Variants in COL4A1 observed in about 807,000 individuals in gnomAD.
COL4A1 encodes the protein collagen alpha-1(IV) chain.
Under a neutral mutation model 216.6 loss-of-function variants are expected in COL4A1, and 40 were observed. The observed-to-expected ratio is 0.18, with a 90% CI of 0.14 to 0.24. The LOEUF (loss-of-function observed/expected upper bound fraction) is 0.24. Among genes scored for constraint, COL4A1 ranks in the 10% least tolerant of loss-of-function variants. The probability of loss-of-function intolerance (pLI) is 1.00; values close to 1 mark genes in which losing one functional copy is unlikely to be tolerated. For synonymous variants in COL4A1, 839 were observed against 810.7 expected (o/e 1.03, Z -0.59); for missense variants, 1,628 against 2,196.8 (o/e 0.74, Z 5.18).
chr13:110,243,436 G>A (rs145170616), intron 1 of COL4A1, among the ~76,000 whole-genome samples: 1 of 152,074 alleles, frequency 6.6e-6, no homozygotes, highest in East Asian at 1.9e-4. Context: ...TCCTTCCTCA[G>A]CATCCCAAGT....
intron 1 of COL4A1, among the ~76,000 whole-genome samples, chr13:110,247,275 G>C (rs1436999918): frequency 6.6e-6 from 1 of 152,170 alleles, no homozygotes; most frequent in Non-Finnish European, 1.5e-5. Flanking sequence ...ATAGTCCCCA[G>C]TGGACTCTGT....
intron 49 of COL4A1, among the ~76,000 whole-genome samples, chr13:110,158,806 G>A (rs1219174714): frequency 6.9e-6 from 1 of 144,096 alleles, no homozygotes; most frequent in Non-Finnish European, 1.5e-5. Flanking sequence ...GCAATGGTGC[G>A]ATCCTGGCTC....
At chr13:110,173,201 G>C (rs1016658444) in intron 40 of COL4A1, among the ~76,000 whole-genome samples, 40 of 152,152 alleles carry the variant, frequency 2.6e-4, no homozygotes, top group African/African-American at 9.2e-4. Context: ...TTCAAATCGG[G>C]GGAAAGGAGT....
chr13:110,237,946 T>C (rs1881396753), intron 2 of COL4A1, among the ~76,000 whole-genome samples: 1 of 152,174 alleles, frequency 6.6e-6, no homozygotes, highest in African/African-American at 2.4e-5. Context: ...AGCAATGAAA[T>C]CACTTCCAGA....
At position 110,211,628 on chromosome 13, in the gene COL4A1, A is replaced by G; in HGVS notation, c.468+19T>C. Reference sequence around the variant, plus strand: ...TTCCCTGTAATGAATCCAATAAAGCAAAATAAAATAAAATGTACCTTCATC... The same window carrying G: ...TTCCCTGTAATGAATCCAATAAAGCGAAATAAAATAAAATGTACCTTCATC... On this transcript the variant is annotated intron_variant, in intron 8 of 51. Coordinates refer to ENST00000375820, the MANE Select transcript of COL4A1 (RefSeq NM_001845.6). The surrounding 1 kb of genome is among the most constrained non-coding windows in gnomAD (Gnocchi z 4.3). 1 of 1,535,088 alleles carries G rather than the reference A, an allele frequency of 6.5e-7. No homozygotes were observed. The highest frequency in any genetic ancestry group is 8.7e-7 in the Non-Finnish European group (1 of 1,144,690).
chr13:110,201,344 A>AGAAGGAGGGGGAGGAG, intron 19 of COL4A1, 94 bp downstream of exon 19: 1 of 595,478 alleles, frequency 1.7e-6, no homozygotes, highest in East Asian at 4.8e-5. Flanking sequence ...GAGGAGGAAC[A>AGAAGGAGGGGGAGGAG]GGAGGAGGAG....
chr13:110,272,559 A>G (rs79974136), intron 1 of COL4A1, among the ~76,000 whole-genome samples: 1,822 of 150,014 alleles, frequency 0.012, 34 homozygotes, highest in African/African-American at 0.041. Context: ...ATCCTCCATC[A>G]TAAGTCCCCT....
chr13:110,286,921 C>T (rs901552735), intron 1 of COL4A1, among the ~76,000 whole-genome samples: 1 of 152,236 alleles, frequency 6.6e-6, no homozygotes, highest in Non-Finnish European at 1.5e-5. Flanking sequence ...TTCCACTTTG[C>T]ATTCTGCTAC....
chr13:110,300,397 C>T (rs1227640739), intron 1 of COL4A1, among the ~76,000 whole-genome samples: 2 of 152,208 alleles, frequency 1.3e-5, no homozygotes, highest in East Asian at 1.9e-4. Flanking sequence ...AAATAGCTTT[C>T]AAAACATTGA....
intron 1 of COL4A1, among the ~76,000 whole-genome samples, chr13:110,260,910 A>G (rs913897958): frequency 5.9e-5 from 9 of 151,918 alleles, no homozygotes; most frequent in Admixed American, 3.9e-4. Flanking sequence ...GGTGGAGGGC[A>G]CCTGTAGTCC....
chr13:110,211,570 G>C lies in COL4A1; in HGVS notation c.468+77C>G, dbSNP rs1594585538. ...TCGATCAGCCAAAGTGGTTTAAAGAGAATGTGCTTCTATGGCACTTGTTGT... is the reference window on the plus strand; with the variant it reads ...TCGATCAGCCAAAGTGGTTTAAAGACAATGTGCTTCTATGGCACTTGTTGT... On this transcript the variant is annotated intron_variant, in intron 8 of 51. Transcript: ENST00000375820. The surrounding 1 kb of genome is among the most constrained non-coding windows in gnomAD (Gnocchi z 4.3). The C allele has an allele frequency of 1.4e-6, 2 of 1,415,100 alleles. No homozygotes were observed. The highest frequency in any genetic ancestry group is 4.6e-5 in the East Asian group (2 of 43,472). 87.7% of individuals were successfully genotyped at this position (1,415,100 alleles called of 1,614,324 possible). A position where few individuals can be genotyped will look rare whatever the true frequency, so the allele number is the denominator to read the frequency against.
intron 1 of COL4A1, among the ~76,000 whole-genome samples, chr13:110,245,670 A>T (rs1881770777): frequency 6.6e-6 from 1 of 152,206 alleles, no homozygotes; most frequent in African/African-American, 2.4e-5. Context: ...TATAAAAATG[A>T]ATTTCCTGGA....
chr13:110,179,138 A>AG (rs1878026147), intron 30 of COL4A1, 102 bp from the exon 31 acceptor site: 1 of 1,539,636 alleles, frequency 6.5e-7, no homozygotes, highest in South Asian at 1.1e-5. Flanking sequence ...GAAAGCCACG[A>AG]GCTCTAGGCC....
chr13:110,195,948 T>C (rs1451839237), intron 21 of COL4A1, among the ~76,000 whole-genome samples: 52 of 152,152 alleles, frequency 3.4e-4, no homozygotes, highest in Admixed American at 3.0e-3. Flanking sequence ...CTGGACGCCC[T>C]GAGTCCCAGA....
At chr13:110,183,478 C>T (rs1328530473) in intron 26 of COL4A1, among the ~76,000 whole-genome samples, 2 of 152,114 alleles carry the variant, frequency 1.3e-5, no homozygotes, top group African/African-American at 4.8e-5. Flanking sequence ...TCTCCCCATG[C>T]GTTTGCATGT....
chr13:110,177,946 A>G lies in COL4A1; in HGVS notation c.2627-15T>C, dbSNP rs1202981945. On this transcript the variant is annotated splice_polypyrimidine_tract_variant and intron_variant, in intron 32 of 51. Transcript: ENST00000375820. Reference sequence around the variant, plus strand: ...TCCCTTGGAACCTGTGGCCAAAGGAAAGGACTGTGAACATTTTCTTGCTCT... The same window carrying G: ...TCCCTTGGAACCTGTGGCCAAAGGAGAGGACTGTGAACATTTTCTTGCTCT... 3.1e-6 allele frequency: 5 copies of G among 1,614,142 alleles called. No individual in the cohort carries two copies. Among genetic ancestry groups the G allele is most frequent in the African/African-American group, 2.7e-5 (2 of 75,040 alleles).
At chr13:110,156,671 T>C (rs1876800835) in intron 49 of COL4A1, among the ~76,000 whole-genome samples, 1 of 152,232 alleles carries the variant, frequency 6.6e-6, no homozygotes, top group Non-Finnish European at 1.5e-5. Flanking sequence ...GGATAATGCT[T>C]TGTTTAAAAA....
In COL4A1 at chr13:110,183,160, G is replaced by C. The variant is rs373896903; in HGVS notation, c.1990+24C>G. The C allele has an allele frequency of 3.1e-6, 5 of 1,613,078 alleles. No homozygotes were observed. The South Asian group carries it at 5.5e-5, about 18-fold the overall frequency. On this transcript the variant is annotated intron_variant, in intron 27 of 51. Coordinates refer to ENST00000375820, the MANE Select transcript of COL4A1 (RefSeq NM_001845.6). ...CGTGAGGAAACTCTCGTGGTATCCCGGTGAGCTGGAATTCCAATCGTACCT... is the reference window on the plus strand; with the variant it reads ...CGTGAGGAAACTCTCGTGGTATCCCCGTGAGCTGGAATTCCAATCGTACCT...
chr13:110,203,729 C>G, intron 17 of COL4A1, 122 bp from the exon 18 acceptor site: 1 of 1,068,540 alleles, frequency 9.4e-7, no homozygotes, highest in African/African-American at 1.6e-5. Context: ...AACTATTTTT[C>G]TCTCTTTAAT....
Sources: allele counts gnomAD v4.1 joint callset (sites outside exome capture counted in the v4.1 genomes callset), GRCh38; gene constraint gnomAD v4.1.1; non-coding constraint Gnocchi (gnomAD v3.1); transcripts MANE v1.5; gene names NCBI Gene and HGNC (gene_info 2026-07-23, HGNC 2026-07-21).